IDNK: variants seen among roughly 807,000 people sequenced by gnomAD.
IDNK encodes gluconokinase.
Under a neutral mutation model 13.0 loss-of-function variants are expected in IDNK, and 9 were observed. That is an observed-to-expected ratio of 0.69 (90% CI 0.42 to 1.21). IDNK has a LOEUF of 1.21. IDNK is among the 50% of genes most tolerant of loss of function. The pLI, the probability that IDNK is intolerant of heterozygous loss-of-function variation, is 0.00. For synonymous variants in IDNK, 92 were observed against 94.9 expected, an observed-to-expected ratio of 0.97 and a Z score of 0.18; for missense variants, 210 against 237.8, an observed-to-expected ratio of 0.88 and a Z score of 0.77.
chr9:83,625,882 CA>C (rs1201521109), intron 1 of IDNK, among the ~76,000 whole-genome samples: 4 of 152,174 alleles, frequency 2.6e-5, no homozygotes, highest in African/African-American at 9.7e-5. Context: ...CAGTTCCTGG[CA>C]TTTCGTAGAT....
At chr9:83,623,431 G>C in intron 1 of IDNK, 1 of 562,836 alleles carries the variant, frequency 1.8e-6, no homozygotes, top group South Asian at 2.0e-5. Flanking sequence ...CCGCATCCGA[G>C]CTCCGGGTTC....
Position 83,628,205 on chromosome 9 carries a change from A to C in IDNK, c.75A>C (p.Ala25=), listed in dbSNP as rs1564144961. ...GATCCACCGTGGGCGCCCTGCTGGC[A>C]TCTGAGGTTAGTAACCTGTCCTAAT... is the stretch of plus-strand genomic sequence containing the variant. ...SGKSTVGALL[A]SELGWKFYDA... Residue 25 remains alanine, a synonymous_variant, in exon 2 of 5, where the codon GCA becomes GCC. Transcript: ENST00000376419. 1.9e-6 allele frequency: 3 copies of C among 1,550,486 alleles called. No homozygotes were observed. The highest frequency in any genetic ancestry group is 2.6e-6 in the Non-Finnish European group (3 of 1,146,878).
chr9:83,640,786 G>A lies in IDNK; in HGVS notation c.169-762G>A, dbSNP rs11140190. Reference sequence around the variant, plus strand: ...CTTGAACCCAGAAGGCAGAGGTTGCGGTGAGCCGAGATCGTGCCATTGCAC... The same window carrying A: ...CTTGAACCCAGAAGGCAGAGGTTGCAGTGAGCCGAGATCGTGCCATTGCAC... On this transcript the variant is annotated intron_variant, in intron 3 of 4. Transcript: ENST00000376419. Among the ~76,000 whole-genome samples the A allele has an allele frequency of 5.5e-3, 839 of 152,272 alleles. 23 individuals carry two copies. The East Asian group carries it at 0.086, about 16-fold the overall frequency.
chr9:83,625,194 A>G (rs934112836), intron 1 of IDNK, among the ~76,000 whole-genome samples: 1 of 152,216 alleles, frequency 6.6e-6, no homozygotes, highest in Non-Finnish European at 1.5e-5. Context: ...TAAGAAGACA[A>G]GAGAGAAGTC....
chr9:83,623,346 T>G, intron 1 of IDNK, 125 bp downstream of exon 1: 1 of 952,362 alleles, frequency 1.1e-6, no homozygotes, highest in Non-Finnish European at 1.5e-6. Flanking sequence ...CCTTTGCAGA[T>G]GAAGAAACCG....
intron 3 of IDNK, among the ~76,000 whole-genome samples, chr9:83,630,617 A>T (rs1452551518): frequency 6.6e-6 from 1 of 152,262 alleles, no homozygotes; most frequent in Admixed American, 6.5e-5. Flanking sequence ...CCATACGCAT[A>T]CAACATAAAT....
At chr9:83,640,434 T>C (rs540027115) in intron 3 of IDNK, among the ~76,000 whole-genome samples, 42 of 152,312 alleles carry the variant, frequency 2.8e-4, no homozygotes, top group Admixed American at 1.9e-3. Context: ...GCAAGGACTT[T>C]TAAAAACACA....
At chr9:83,639,300 TACA>T (rs1479787873) in intron 3 of IDNK, among the ~76,000 whole-genome samples, 1 of 152,220 alleles carries the variant, frequency 6.6e-6, no homozygotes, top group Non-Finnish European at 1.5e-5. Context: ...GGGATGCAGT[TACA>T]ACATTACTTA....
intron 3 of IDNK, among the ~76,000 whole-genome samples, chr9:83,637,747 G>A (rs551267732): frequency 6.6e-6 from 1 of 152,330 alleles, no homozygotes; most frequent in African/African-American, 2.4e-5. Flanking sequence ...TGGGAGATAA[G>A]ATTGTAAGCC....
chr9:83,632,986 A>C (rs977278212), intron 3 of IDNK, among the ~76,000 whole-genome samples: 1 of 152,236 alleles, frequency 6.6e-6, no homozygotes, highest in Admixed American at 6.5e-5. Context: ...TTAGCAGGCC[A>C]GTCAAGGTCT....
intron 1 of IDNK, 158 bp from the exon 2 acceptor site, chr9:83,628,023 G>C: frequency 1.4e-6 from 2 of 1,452,668 alleles, no homozygotes; most frequent in Non-Finnish European, 1.8e-6. Flanking sequence ...CCAGTCTCCA[G>C]ACTCCACGGT....
chr9:83,626,337 C>A, intron 1 of IDNK: 1 of 271,388 alleles, frequency 3.7e-6, no homozygotes, highest in Non-Finnish European at 7.2e-6. Flanking sequence ...CAGTCTACAC[C>A]CACATCTCTT....
intron 3 of IDNK, among the ~76,000 whole-genome samples, chr9:83,631,501 A>G (rs922270472): frequency 2.8e-5 from 4 of 144,510 alleles, no homozygotes; most frequent in African/African-American, 1.0e-4. Context: ...AGTCCCAGCT[A>G]CTCGGGAGGC....
intron 3 of IDNK, among the ~76,000 whole-genome samples, chr9:83,629,914 A>C (rs746369119): frequency 1.1e-4 from 17 of 152,256 alleles, no homozygotes; most frequent in Non-Finnish European, 2.1e-4. Context: ...GCAGGCCGTG[A>C]GGCCATCCCC....
chr9:83,630,890 A>G (rs1378441716), intron 3 of IDNK, among the ~76,000 whole-genome samples: 1 of 152,214 alleles, frequency 6.6e-6, no homozygotes, highest in Non-Finnish European at 1.5e-5. Context: ...ACTGGAAGAG[A>G]CACAAGTTAC....
At chr9:83,630,101 C>A (rs1830971027) in intron 3 of IDNK, among the ~76,000 whole-genome samples, 1 of 152,200 alleles carries the variant, frequency 6.6e-6, no homozygotes, top group African/African-American at 2.4e-5. Context: ...TGGGCTCACC[C>A]CCAGGTGTCC....
chr9:83,634,998 ATTC>A (rs1831125131), intron 3 of IDNK, among the ~76,000 whole-genome samples: 1 of 152,218 alleles, frequency 6.6e-6, no homozygotes, highest in East Asian at 1.9e-4. Context: ...CTTCTAAAGC[ATTC>A]TTCTTGCTGA....
intron 3 of IDNK, among the ~76,000 whole-genome samples, chr9:83,634,560 G>A (rs1194666809): frequency 1.3e-5 from 2 of 152,162 alleles, no homozygotes; most frequent in East Asian, 3.9e-4. Context: ...TCATTCTTAT[G>A]AAATATTTCA....
Position 83,644,070 on chromosome 9 carries a change from T to C in IDNK, c.*290T>C. 6.0e-6 allele frequency: 2 copies of C among 330,788 alleles called. No individual in the cohort carries two copies. Among genetic ancestry groups the C allele is most frequent in the South Asian group, 6.8e-5 (2 of 29,216 alleles). The allele number at this position is 330,788 out of a possible 1,614,324, so 20.5% of individuals were successfully genotyped here. ...CAATGCTGGAAATCGTTACATTGTT[T>C]AGAACATTCTTGCTCATGCCTGTAT... On this transcript the variant is annotated 3_prime_UTR_variant, in exon 5 of 5. Coordinates refer to ENST00000376419, the MANE Select transcript of IDNK (RefSeq NM_001001551.4).
Sources: gnomAD v4.1 joint callset for allele counts (sites outside exome capture counted in the v4.1 genomes callset) on GRCh38, gnomAD v4.1.1 for gene constraint, MANE v1.5 for transcripts, NCBI Gene and HGNC (gene_info 2026-07-23, HGNC 2026-07-21) for gene names.